Variants in CNTNAP2 observed in about 807,000 individuals in gnomAD.
CNTNAP2 encodes contactin associated protein 2.
CNTNAP2 carries 98 observed loss-of-function variants against 155.2 expected under a neutral mutation model. The ratio of observed to expected loss-of-function variants is 0.63; its 90% CI spans 0.54 to 0.75. The LOEUF (loss-of-function observed/expected upper bound fraction) is 0.75, where lower values mean the gene tolerates loss of function less well. Among genes scored for constraint, CNTNAP2 ranks in the 30% least tolerant of loss-of-function variants. CNTNAP2 has a pLI of 0.00. For missense variants in CNTNAP2, 1,727 were observed against 1,688.1 expected, an observed-to-expected ratio of 1.02 and a Z score of -0.40; for synonymous variants, 651 against 631.2, an observed-to-expected ratio of 1.03 and a Z score of -0.47.
intron 10 of CNTNAP2, among the ~76,000 whole-genome samples, chr7:147,441,246 CTG>C (rs1797631283): frequency 6.6e-6 from 1 of 151,982 alleles, no homozygotes; most frequent in Non-Finnish European, 1.5e-5. Flanking sequence ...TTAAAGGACT[CTG>C]ATGCATTCTT....
intron 8 of CNTNAP2, among the ~76,000 whole-genome samples, chr7:147,134,914 A>T (rs527514276): frequency 1.3e-5 from 2 of 152,056 alleles, no homozygotes; most frequent in East Asian, 3.9e-4. Context: ...TCTAGAAAAG[A>T]AAAATAACCA....
chr7:147,261,384 T>C (rs1804460523), intron 8 of CNTNAP2, among the ~76,000 whole-genome samples: 1 of 152,166 alleles, frequency 6.6e-6, no homozygotes, highest in Admixed American at 6.5e-5. Context: ...AAACACACCC[T>C]CTACCCCCAG....
chr7:146,859,869 A>C (rs903643473), intron 3 of CNTNAP2, among the ~76,000 whole-genome samples: 9 of 152,172 alleles, frequency 5.9e-5, no homozygotes, highest in Non-Finnish European at 1.3e-4. Flanking sequence ...GGAAATGTCT[A>C]AATTCAGCTG....
intron 3 of CNTNAP2, among the ~76,000 whole-genome samples, chr7:146,956,426 T>C (rs1035959036): frequency 5.9e-5 from 9 of 152,202 alleles, no homozygotes; most frequent in African/African-American, 1.9e-4. Flanking sequence ...AATCTGAGCA[T>C]GTCCTGTAGG....
intron 13 of CNTNAP2, among the ~76,000 whole-genome samples, chr7:147,718,946 T>C (rs934654387): frequency 2.6e-5 from 4 of 152,136 alleles, no homozygotes; most frequent in African/African-American, 4.8e-5. Flanking sequence ...TTTTAATAAC[T>C]GTCCTTTAAG....
At chr7:148,215,816 G>T (rs1170486937) in intron 18 of CNTNAP2, among the ~76,000 whole-genome samples, 1 of 152,148 alleles carries the variant, frequency 6.6e-6, no homozygotes, top group Non-Finnish European at 1.5e-5. Context: ...ACAGACAAGG[G>T]CAAGATACAC....
At chr7:147,311,909 G>A (rs1795135024) in intron 9 of CNTNAP2, among the ~76,000 whole-genome samples, 1 of 151,996 alleles carries the variant, frequency 6.6e-6, no homozygotes, top group Non-Finnish European at 1.5e-5. Context: ...TATTTTGTCT[G>A]CTTGCCTGTT....
At chr7:148,326,864 CAAA>C (rs200129283) in intron 21 of CNTNAP2, among the ~76,000 whole-genome samples, 1 of 129,062 alleles carries the variant, frequency 7.7e-6, no homozygotes, top group Non-Finnish European at 1.7e-5. Context: ...GACCCCGTCT[CAAA>C]AAAAAAAAAA....
chr7:147,197,695 AT>A (rs368398720), intron 8 of CNTNAP2, among the ~76,000 whole-genome samples: 21 of 152,330 alleles, frequency 1.4e-4, no homozygotes, highest in African/African-American at 5.1e-4. Flanking sequence ...TGATTAACTG[AT>A]TTTTGAAGTG....
At chr7:147,979,136 C>T (rs1197415851) in intron 15 of CNTNAP2, among the ~76,000 whole-genome samples, 1 of 152,168 alleles carries the variant, frequency 6.6e-6, no homozygotes, top group Non-Finnish European at 1.5e-5. Context: ...AGCAATTAAG[C>T]AATGCCATGT....
At chr7:147,609,375 C>G (rs1470009601) in intron 12 of CNTNAP2, among the ~76,000 whole-genome samples, 1 of 151,972 alleles carries the variant, frequency 6.6e-6, no homozygotes, top group Non-Finnish European at 1.5e-5. Context: ...ACTAAAAATA[C>G]AAAAAATTAG....
chr7:148,321,349 T>C (rs2116536788), intron 21 of CNTNAP2, among the ~76,000 whole-genome samples: 1 of 152,308 alleles, frequency 6.6e-6, no homozygotes, highest in East Asian at 1.9e-4. Flanking sequence ...GGTTTGGCTC[T>C]GATTCAGCCT....
chr7:147,183,658 T>G (rs533201134), intron 8 of CNTNAP2, among the ~76,000 whole-genome samples: 1 of 152,328 alleles, frequency 6.6e-6, no homozygotes, highest in South Asian at 2.1e-4. Context: ...CCCTATTTTC[T>G]TAGTCTGAAG....
At chr7:147,488,306 G>T (rs967927848) in intron 11 of CNTNAP2, among the ~76,000 whole-genome samples, 1 of 152,186 alleles carries the variant, frequency 6.6e-6, no homozygotes, top group Non-Finnish European at 1.5e-5. Context: ...TGTGTCTGAC[G>T]CTAGCTATAA....
intron 9 of CNTNAP2, among the ~76,000 whole-genome samples, chr7:147,373,664 A>G (rs1796385986): frequency 6.6e-6 from 1 of 152,046 alleles, no homozygotes; most frequent in African/African-American, 2.4e-5. Context: ...CAGTAAATAG[A>G]TAATACTGTG....
intron 16 of CNTNAP2, among the ~76,000 whole-genome samples, chr7:148,124,635 G>A (rs1334770370): frequency 1.3e-5 from 2 of 152,172 alleles, no homozygotes; most frequent in Non-Finnish European, 1.5e-5. Flanking sequence ...TTCATTGAGA[G>A]CTTTGCAAGT....
At chr7:148,279,290 A>G (rs528894832) in intron 21 of CNTNAP2, among the ~76,000 whole-genome samples, 1 of 152,286 alleles carries the variant, frequency 6.6e-6, no homozygotes, top group South Asian at 2.1e-4. Context: ...TCCATGTGAG[A>G]GTTAGAGGCA....
chr7:147,324,880 A>C (rs1048804952), intron 9 of CNTNAP2, among the ~76,000 whole-genome samples: 13 of 152,316 alleles, frequency 8.5e-5, no homozygotes, highest in Non-Finnish European at 1.0e-4. Flanking sequence ...TTCTTGTTTG[A>C]AACAACATAT....
At chr7:146,944,713 C>G (rs1797126176) in intron 3 of CNTNAP2, among the ~76,000 whole-genome samples, 1 of 151,934 alleles carries the variant, frequency 6.6e-6, no homozygotes, top group African/African-American at 2.4e-5. Flanking sequence ...CCCATCTCTA[C>G]TAAAAATATA....
Sources: allele counts gnomAD v4.1 joint callset (sites outside exome capture counted in the v4.1 genomes callset), GRCh38; gene constraint gnomAD v4.1.1; transcripts MANE v1.5; gene names NCBI Gene and HGNC (gene_info 2026-07-23, HGNC 2026-07-21).